LRRC8C: variants seen among roughly 807,000 people sequenced by gnomAD.
LRRC8C encodes the protein leucine rich repeat containing 8 VRAC subunit C.
LRRC8C carries 20 observed loss-of-function variants against 55.3 expected under a neutral mutation model. The ratio of observed to expected loss-of-function variants is 0.36; its 90% CI spans 0.25 to 0.53. The LOEUF (loss-of-function observed/expected upper bound fraction) is 0.53, where lower values mean the gene tolerates loss of function less well. Among genes scored for constraint, LRRC8C ranks in the 20% least tolerant of loss-of-function variants. The probability of loss-of-function intolerance (pLI) is 0.92; values close to 1 mark genes in which losing one functional copy is unlikely to be tolerated. For missense variants in LRRC8C, 659 were observed against 951.4 expected (o/e 0.69, Z 4.04); for synonymous variants, 376 against 360.7 (o/e 1.04, Z -0.48).
chr1:89,660,319 GT>G (rs1657080324), intron 1 of LRRC8C, among the ~76,000 whole-genome samples: 3 of 152,154 alleles, frequency 2.0e-5, no homozygotes, highest in Non-Finnish European at 4.4e-5. Flanking sequence ...AGAAACAGAT[GT>G]TTTGGGGAGA....
At chr1:89,693,350 T>C (rs979233904) in intron 2 of LRRC8C, among the ~76,000 whole-genome samples, 3 of 152,202 alleles carry the variant, frequency 2.0e-5, no homozygotes, top group Non-Finnish European at 4.4e-5. Context: ...CACTGGAAAG[T>C]ACAGGCAATC....
At chr1:89,693,720 C>T (rs1228067717) in intron 2 of LRRC8C, among the ~76,000 whole-genome samples, 3 of 130,840 alleles carry the variant, frequency 2.3e-5, no homozygotes, top group Admixed American at 1.8e-4. Flanking sequence ...TGCAGAGGCG[C>T]GGTCTCGGCT....
intron 2 of LRRC8C, among the ~76,000 whole-genome samples, chr1:89,710,630 C>A (rs545143224): frequency 6.6e-5 from 10 of 152,330 alleles, no homozygotes; most frequent in South Asian, 2.1e-4. Context: ...TACCTGCATT[C>A]TTTTGATTTA....
intron 1 of LRRC8C, among the ~76,000 whole-genome samples, chr1:89,634,452 A>G (rs934165129): frequency 6.6e-6 from 1 of 152,166 alleles, no homozygotes; most frequent in Admixed American, 6.5e-5. Context: ...AGTGTGAGAA[A>G]CGTAGCCTTA....
In LRRC8C at chr1:89,652,910, G is replaced by A. The variant is rs1001102393; in HGVS notation, c.-5+19588G>A. ...TGGGGAGACACAGATATCTATGGAG[G>A]AGAGGTCTGAGAATAGGGGACAGCA... is the stretch of plus-strand genomic sequence containing the variant. On this transcript the variant is annotated intron_variant, in intron 1 of 2. Coordinates refer to ENST00000370454, the MANE Select transcript of LRRC8C (RefSeq NM_032270.5). Among the ~76,000 whole-genome samples the A allele has an allele frequency of 3.3e-5, 5 of 152,266 alleles. No individual in the cohort carries two copies. In the East Asian group the frequency reaches 7.7e-4, roughly 23 times the overall value.
chr1:89,643,104 G>GT (rs1189609999), intron 1 of LRRC8C, among the ~76,000 whole-genome samples: 1 of 150,790 alleles, frequency 6.6e-6, no homozygotes, highest in African/African-American at 2.4e-5. Context: ...TTGTTTGTTT[G>GT]TTTTTGAGAC....
chr1:89,627,853 T>C, the LRRC8C span, among the ~76,000 whole-genome samples: 2 of 152,232 alleles, frequency 1.3e-5, no homozygotes, highest in Admixed American at 6.5e-5. Flanking sequence ...CTAGCACACA[T>C]TGAGCATCCC....
At chr1:89,619,661 A>G in the LRRC8C span, among the ~76,000 whole-genome samples, 1 of 151,938 alleles carries the variant, frequency 6.6e-6, no homozygotes, top group Non-Finnish European at 1.5e-5. Context: ...TATACTATAC[A>G]TAATTAAATC....
intron 2 of LRRC8C, among the ~76,000 whole-genome samples, chr1:89,712,486 A>C (rs3112507): frequency 0.99 from 150,451 of 152,318 alleles, 74,317 homozygotes; most frequent in Middle Eastern, 1. Flanking sequence ...ACCTGAAAAA[A>C]CACTGTTTTA....
chr1:89,645,869 C>G (rs1400925220), intron 1 of LRRC8C, among the ~76,000 whole-genome samples: 2 of 151,508 alleles, frequency 1.3e-5, no homozygotes, highest in Non-Finnish European at 2.9e-5. Flanking sequence ...ATATTTCAAA[C>G]TGAATGATAA....
chr1:89,617,614 C>T, the LRRC8C span, among the ~76,000 whole-genome samples: 1 of 152,132 alleles, frequency 6.6e-6, no homozygotes, highest in African/African-American at 2.4e-5. Flanking sequence ...GTTCTGTTTC[C>T]ACCTCAACTG....
At chr1:89,642,340 C>T (rs1226821735) in intron 1 of LRRC8C, among the ~76,000 whole-genome samples, 3 of 152,190 alleles carry the variant, frequency 2.0e-5, no homozygotes, top group African/African-American at 7.2e-5. Context: ...TGTAGTGTAG[C>T]ATTAGTACCT....
chr1:89,711,237 C>A (rs981147817), intron 2 of LRRC8C, among the ~76,000 whole-genome samples: 8 of 152,200 alleles, frequency 5.3e-5, no homozygotes, highest in South Asian at 2.1e-4. Context: ...AGACACTTTA[C>A]TAAGTGTTGG....
the LRRC8C span, among the ~76,000 whole-genome samples, chr1:89,620,827 G>T: frequency 6.6e-6 from 1 of 152,162 alleles, no homozygotes; most frequent in Admixed American, 6.5e-5. Flanking sequence ...ACTCAACTCT[G>T]TTCTTCAGGG....
rs369981164 is a variant in LRRC8C, at chr1:89,714,996, A to G, written c.*14A>G. ...AAAACAGAATAACTTATTTTTCGTT[A>G]AAGTTTGACTGAAACACGCTTCTAC... On this transcript the variant is annotated 3_prime_UTR_variant, in exon 3 of 3. Transcript: ENST00000370454. This position sits in a 1 kb window ranked among gnomAD's most constrained non-coding sequence, Gnocchi z 4.6. 358 of 1,539,668 alleles carry G rather than the reference A, an allele frequency of 2.3e-4. No individual in the cohort carries two copies. The highest frequency in any genetic ancestry group is 5.2e-4 in the Middle Eastern group (3 of 5,742).
Position 89,713,178 on chromosome 1 carries a change from C to T in LRRC8C, c.608C>T (p.Pro203Leu). 6.2e-7 allele frequency: 1 copy of T among 1,614,164 alleles called. No homozygotes were observed. The highest frequency in any genetic ancestry group is 8.5e-7 in the Non-Finnish European group (1 of 1,180,034). Residue 203 changes from proline to leucine, a missense_variant, in exon 3 of 3, where the codon CCA becomes CTA. Pro to Leu is a moderately conservative substitution (Grantham distance 98). This residue lies in a region of LRRC8C where 200 missense variants were observed against 360.5 expected (regional missense o/e 0.55). Coordinates refer to ENST00000370454, the MANE Select transcript of LRRC8C (RefSeq NM_032270.5). The surrounding 1 kb of genome is among the most constrained non-coding windows in gnomAD (Gnocchi z 5.2). ...MNRSNTIQSG[P>L]EDSLVNSQSL... is the part of the protein sequence containing the mutation. ...AGGTCCAACACCATCCAATCTGGTC[C>T]AGAAGACAGCCTGGTCAACTCTCAG...
At chr1:89,643,386 G>A (rs1656523014) in intron 1 of LRRC8C, among the ~76,000 whole-genome samples, 1 of 152,232 alleles carries the variant, frequency 6.6e-6, no homozygotes, top group Non-Finnish European at 1.5e-5. Flanking sequence ...CCAGCTGGGA[G>A]GACATATTCT....
chr1:89,696,296 A>G (rs992378826), intron 2 of LRRC8C, among the ~76,000 whole-genome samples: 18 of 152,238 alleles, frequency 1.2e-4, no homozygotes, highest in African/African-American at 1.2e-4. Flanking sequence ...CACACTTCAG[A>G]TAAGTCTCAA....
chr1:89,634,440 G>A (rs752504754), intron 1 of LRRC8C, among the ~76,000 whole-genome samples: 3 of 152,206 alleles, frequency 2.0e-5, no homozygotes, highest in Non-Finnish European at 2.9e-5. Context: ...TTCTTTCGCG[G>A]TAGTGTGAGA....
Sources: allele counts gnomAD v4.1 joint callset (sites outside exome capture counted in the v4.1 genomes callset), GRCh38; gene constraint gnomAD v4.1.1; regional missense constraint gnomAD v4.1.1; non-coding constraint Gnocchi (gnomAD v3.1); transcripts MANE v1.5; gene names NCBI Gene and HGNC (gene_info 2026-07-23, HGNC 2026-07-21).